Variants in RASSF6 observed in about 807,000 individuals in gnomAD.
RASSF6 encodes Ras association domain family member 6, also known as ras association domain-containing protein 6.
RASSF6 carries 52 observed loss-of-function variants against 44.0 expected under a neutral mutation model. That is an observed-to-expected ratio of 1.18 (90% confidence interval 0.95 to 1.49). The LOEUF is 1.49. RASSF6 is among the 40% of genes most tolerant of loss of function. The pLI, the probability that RASSF6 is intolerant of heterozygous loss-of-function variation, is 0.00. For synonymous variants in RASSF6, 162 were observed against 124.6 expected (o/e 1.30, Z -2.00); for missense variants, 464 against 393.3 (o/e 1.18, Z -1.52).
chr4:73,593,020 T>A (rs1578039121), intron 4 of RASSF6, among the ~76,000 whole-genome samples: 1 of 124 alleles, frequency 8.1e-3, no homozygotes, highest in Non-Finnish European at 0.031. Context: ...GTTGCTGGGA[T>A]TTTTTTTTTT....
chr4:73,576,747 G>A lies in RASSF6; in HGVS notation c.722-16C>T. On this transcript the variant is annotated splice_polypyrimidine_tract_variant and intron_variant, in intron 8 of 10. Coordinates refer to ENST00000307439, the MANE Select transcript of RASSF6 (RefSeq NM_177532.5). ...CGTCTTTGTTCTGCAGTGAAAACAA[G>A]AATCAACCACAATCAGAAGTTCATG... 1 of 1,430,666 alleles carries A rather than the reference G, an allele frequency of 7.0e-7. No individual in the cohort carries two copies. The highest frequency in any genetic ancestry group is 9.7e-7 in the Non-Finnish European group (1 of 1,030,374). 88.6% of individuals were successfully genotyped at this position (1,430,666 alleles called of 1,614,324 possible).
chr4:73,597,085 C>T (rs1026873498), intron 3 of RASSF6, among the ~76,000 whole-genome samples: 1 of 152,086 alleles, frequency 6.6e-6, no homozygotes, highest in Non-Finnish European at 1.5e-5. Flanking sequence ...GATGAAGATG[C>T]CAAAAGCAAT....
At chr4:73,596,922 G>A (rs1724978181) in intron 3 of RASSF6, among the ~76,000 whole-genome samples, 1 of 152,290 alleles carries the variant, frequency 6.6e-6, no homozygotes. Context: ...CTGGCCATAT[G>A]CAGAAAACTG....
intron 2 of RASSF6, among the ~76,000 whole-genome samples, chr4:73,605,998 C>A (rs889496933): frequency 3.9e-5 from 6 of 152,314 alleles, no homozygotes; most frequent in Admixed American, 2.6e-4. Context: ...CTGTGGAAAG[C>A]AGTTTGGAGA....
Position 73,575,885 on chromosome 4 carries a change from A to T in RASSF6, c.*350T>A, listed in dbSNP as rs543204538. ...TTCTGAGTCATTTCTGAATCCATTG[A>T]TTATGTTTCAGTTCTCTTGAGAGTC... On this transcript the variant is annotated 3_prime_UTR_variant, in exon 11 of 11. Coordinates refer to ENST00000307439, the MANE Select transcript of RASSF6 (RefSeq NM_177532.5). 12 of 165,488 alleles carry T rather than the reference A, an allele frequency of 7.3e-5. No individual in the cohort carries two copies. Among genetic ancestry groups the T allele is most frequent in the Non-Finnish European group, 1.0e-4 (8 of 77,322 alleles). The allele number at this position is 165,488 out of a possible 1,614,324, so 10.3% of individuals were successfully genotyped here. A position where few individuals can be genotyped will look rare whatever the true frequency, so the allele number is the denominator to read the frequency against.
At chr4:73,586,134 T>G (rs1724070658) in intron 5 of RASSF6, among the ~76,000 whole-genome samples, 2 of 151,802 alleles carry the variant, frequency 1.3e-5, no homozygotes, top group Non-Finnish European at 2.9e-5. Context: ...TGTTCCCATC[T>G]TTTATAAAAG....
intron 3 of RASSF6, 137 bp downstream of exon 3, chr4:73,598,501 CAA>C: frequency 1.9e-6 from 1 of 513,778 alleles, no homozygotes; most frequent in Non-Finnish European, 3.4e-6. Context: ...TAGAAAGTCA[CAA>C]GTGTTCCAAG....
rs1364180759 is a variant in RASSF6, at chr4:73,572,901, T to C, written c.*3334A>G. 1 of 152,212 alleles carries C rather than the reference T, an allele frequency of 6.6e-6. No homozygotes were observed. The highest frequency in any genetic ancestry group is 1.9e-4 in the East Asian group (1 of 5,208). 9.4% of individuals were successfully genotyped at this position (152,212 alleles called of 1,614,324 possible). ...GCCATTTTTAACATGTTTTTATTTCTTGTGTGTATATATATGCAAATATTA... is the reference window on the plus strand; with the variant it reads ...GCCATTTTTAACATGTTTTTATTTCCTGTGTGTATATATATGCAAATATTA... On this transcript the variant is annotated 3_prime_UTR_variant, in exon 11 of 11. Coordinates refer to ENST00000307439, the MANE Select transcript of RASSF6 (RefSeq NM_177532.5).
intron 1 of RASSF6, among the ~76,000 whole-genome samples, chr4:73,612,278 A>C (rs1054854054): frequency 1.3e-5 from 2 of 152,128 alleles, no homozygotes; most frequent in Non-Finnish European, 2.9e-5. Flanking sequence ...CAAGCTCTGG[A>C]AACTGTGGTC....
chr4:73,595,851 A>C (rs886666490), intron 3 of RASSF6, among the ~76,000 whole-genome samples: 4 of 152,200 alleles, frequency 2.6e-5, no homozygotes, highest in African/African-American at 9.7e-5. Context: ...TAAATCATTT[A>C]AGCTCAATAG....
In RASSF6 at chr4:73,589,641, T is replaced by A. The variant is rs578096526; in HGVS notation, c.288-1707A>T. Among the ~76,000 whole-genome samples, 11 of 152,212 alleles carry A rather than the reference T, an allele frequency of 7.2e-5. 1 individual carries two copies. The South Asian group carries it at 2.3e-3, about 32-fold the overall frequency. On this transcript the variant is annotated intron_variant, in intron 4 of 10. Transcript: ENST00000307439. Reference sequence around the variant, plus strand: ...CACCAGTTTTCAGCTCTGGATTGTGTAATTTGAAGCATCACCCCATACAAC... The same window carrying A: ...CACCAGTTTTCAGCTCTGGATTGTGAAATTTGAAGCATCACCCCATACAAC...
chr4:73,606,194 A>G (rs1247658), intron 2 of RASSF6, among the ~76,000 whole-genome samples: 152,329 of 152,384 alleles, frequency 1, 76,137 homozygotes, highest in Non-Finnish European at 1. Context: ...ATTGGATAAA[A>G]ACAATGTGGT....
At chr4:73,587,766 A>T in intron 5 of RASSF6, 74 bp downstream of exon 5, 1 of 854,300 alleles carries the variant, frequency 1.2e-6, no homozygotes, top group Non-Finnish European at 1.9e-6. Context: ...GTTAGATTTC[A>T]GAGAAACATA....
intron 3 of RASSF6, among the ~76,000 whole-genome samples, chr4:73,595,138 T>G (rs1208538714): frequency 6.6e-6 from 1 of 152,180 alleles, no homozygotes; most frequent in African/African-American, 2.4e-5. Context: ...ACACTTCACC[T>G]CATACAGTTT....
intron 2 of RASSF6, among the ~76,000 whole-genome samples, chr4:73,605,591 C>T (rs551297146): frequency 3.3e-4 from 51 of 152,284 alleles, no homozygotes; most frequent in South Asian, 1.2e-3. Context: ...GTAGGTTATT[C>T]GCATTTCCTT....
chr4:73,602,218 A>G (rs1414338289), intron 2 of RASSF6, among the ~76,000 whole-genome samples: 3 of 152,232 alleles, frequency 2.0e-5, no homozygotes, highest in Non-Finnish European at 4.4e-5. Context: ...GGCAATGGGC[A>G]GCTATTGAAG....
Position 73,576,615 on chromosome 4 carries a change from C to T in RASSF6, c.838G>A (p.Asp280Asn), listed in dbSNP as rs770500912. The T allele has an allele frequency of 5.2e-5, 83 of 1,608,390 alleles. No homozygotes were observed. In the South Asian group the frequency reaches 7.9e-4, roughly 15 times the overall value. The change falls in exon 9 of 11, where the codon GAT becomes AAT. Residue 280 changes from aspartate (D) to asparagine (N), a missense_variant and splice_region_variant. Asp to Asn is a conservative substitution (Grantham distance 23). Coordinates refer to ENST00000307439, the MANE Select transcript of RASSF6 (RefSeq NM_177532.5). ...ATTCAGGGTGATGGTATTCATACAT[C>T]ACTGCTAATTTCTTCTGCATCTTTA... The part of the protein sequence containing the change: ...MDKDAEEISS[D>N]VAQYINFHFS...
chr4:73,598,585 TGC>T, intron 3 of RASSF6, 53 bp downstream of exon 3: 1 of 824,160 alleles, frequency 1.2e-6, no homozygotes. Flanking sequence ...TGTGTGTGTG[TGC>T]ACGCATGTGT....
chr4:73,610,585 T>A (rs935231356), intron 2 of RASSF6, among the ~76,000 whole-genome samples: 1 of 152,190 alleles, frequency 6.6e-6, no homozygotes, highest in Non-Finnish European at 1.5e-5. Flanking sequence ...CAAATATGCA[T>A]CTGCCTTAGG....
Sources: gnomAD v4.1 joint callset for allele counts (sites outside exome capture counted in the v4.1 genomes callset) on GRCh38, gnomAD v4.1.1 for gene constraint, MANE v1.5 for transcripts, NCBI Gene and HGNC (gene_info 2026-07-23, HGNC 2026-07-21) for gene names.